DTNA: variants seen among roughly 807,000 people sequenced by gnomAD.
DTNA encodes dystrobrevin alpha.
Under a neutral mutation model 100.7 loss-of-function variants are expected in DTNA, and 43 were observed. The observed-to-expected ratio is 0.43, with a 90% confidence interval of 0.33 to 0.55. DTNA has a LOEUF of 0.55. DTNA is among the 20% of genes least tolerant of loss of function. The pLI is 0.04. For missense variants in DTNA, 798 were observed against 953.9 expected, an observed-to-expected ratio of 0.84 and a Z score of 2.15; for synonymous variants, 349 against 347.9, an observed-to-expected ratio of 1.00 and a Z score of -0.04.
At chr18:34,695,493 G>T (rs1262493582) in intron 1 of DTNA, among the ~76,000 whole-genome samples, 3 of 152,154 alleles carry the variant, frequency 2.0e-5, no homozygotes, top group African/African-American at 4.8e-5. Flanking sequence ...CTGGTAACCA[G>T]TGGAGGCGCT....
At chr18:34,516,011 A>G (rs2041570477) in intron 1 of DTNA, among the ~76,000 whole-genome samples, 1 of 152,156 alleles carries the variant, frequency 6.6e-6, no homozygotes, top group African/African-American at 2.4e-5. Context: ...CTTTTAGCCA[A>G]TCTTTTTCTA....
chr18:34,604,012 A>G (rs2052491810), intron 1 of DTNA, among the ~76,000 whole-genome samples: 2 of 152,240 alleles, frequency 1.3e-5, no homozygotes, highest in Non-Finnish European at 2.9e-5. Flanking sequence ...ACTAACAAAA[A>G]CAAAATGTCC....
chr18:34,598,822 C>T (rs1443110919), intron 1 of DTNA, among the ~76,000 whole-genome samples: 1 of 151,876 alleles, frequency 6.6e-6, no homozygotes, highest in African/African-American at 2.4e-5. Context: ...GCCGAGATCG[C>T]GCCACTGCAC....
At chr18:34,557,638 C>T (rs916107468) in intron 1 of DTNA, among the ~76,000 whole-genome samples, 1 of 151,702 alleles carries the variant, frequency 6.6e-6, no homozygotes, top group Non-Finnish European at 1.5e-5. Flanking sequence ...TGTGAGGTGT[C>T]AGTGTGCCCC....
chr18:34,717,915 G>A (rs16965804), intron 1 of DTNA, among the ~76,000 whole-genome samples: 16,691 of 152,174 alleles, frequency 0.11, 1,296 homozygotes, highest in African/African-American at 0.21. Flanking sequence ...AGACAGAAAT[G>A]AGTCCAGAAG....
At chr18:34,545,646 T>C (rs2044700741) in intron 1 of DTNA, among the ~76,000 whole-genome samples, 1 of 152,104 alleles carries the variant, frequency 6.6e-6, no homozygotes, top group South Asian at 2.1e-4. Flanking sequence ...AGTAACAAAA[T>C]GTCAGATATG....
At chr18:34,623,985 G>T (rs996787396) in intron 1 of DTNA, among the ~76,000 whole-genome samples, 7 of 152,076 alleles carry the variant, frequency 4.6e-5, no homozygotes, top group Admixed American at 4.6e-4. Context: ...GGGAAAACAT[G>T]GCAGATGCTT....
chr18:34,764,540 AG>A (rs1489735776), intron 2 of DTNA, among the ~76,000 whole-genome samples: 1 of 152,214 alleles, frequency 6.6e-6, no homozygotes, highest in Non-Finnish European at 1.5e-5. Flanking sequence ...TGTTTGTCAA[AG>A]AATAAGCTTT....
At chr18:34,759,937 GCC>G (rs2093030919) in intron 2 of DTNA, 1 of 152,124 alleles carries the variant, frequency 6.6e-6, no homozygotes, top group South Asian at 2.1e-4. Flanking sequence ...ACCCACCTTG[GCC>G]TCCCAAAGTG....
chr18:34,812,464 C>G (rs954749587), intron 6 of DTNA, among the ~76,000 whole-genome samples: 18 of 152,174 alleles, frequency 1.2e-4, no homozygotes, highest in Non-Finnish European at 2.9e-5. Context: ...GTTTAACAGA[C>G]TCACAGTTCC....
At chr18:34,654,620 C>A (rs2074088778) in intron 1 of DTNA, among the ~76,000 whole-genome samples, 1 of 152,126 alleles carries the variant, frequency 6.6e-6, no homozygotes, top group Non-Finnish European at 1.5e-5. Context: ...TGGGTACATT[C>A]TAAAAAAATA....
intron 1 of DTNA, among the ~76,000 whole-genome samples, chr18:34,584,787 A>G (rs1442601010): frequency 6.6e-6 from 1 of 152,164 alleles, no homozygotes; most frequent in Non-Finnish European, 1.5e-5. Context: ...GATAAAGAAG[A>G]AATCATAAGT....
intron 1 of DTNA, among the ~76,000 whole-genome samples, chr18:34,671,970 G>C (rs1266268021): frequency 6.6e-6 from 1 of 152,132 alleles, no homozygotes; most frequent in Non-Finnish European, 1.5e-5. Flanking sequence ...TACAAATATG[G>C]CTTTTTAAAA....
intron 1 of DTNA, among the ~76,000 whole-genome samples, chr18:34,697,472 G>A (rs2080739511): frequency 6.6e-6 from 1 of 152,168 alleles, no homozygotes; most frequent in Non-Finnish European, 1.5e-5. Flanking sequence ...GTTAATCATG[G>A]CCTATGATTC....
rs1436315619 is a variant in DTNA, at chr18:34,719,378, A to G, written c.-2+8933A>G. Among the ~76,000 whole-genome samples the G allele has an allele frequency of 6.8e-5, 10 of 147,964 alleles. No homozygotes were observed. In the East Asian group the frequency reaches 1.9e-3, roughly 29 times the overall value. ...AAAAATAAAAAAATAAGTAGTTATT[A>G]TCTCTCCATCAATCCTCACAACAAC... On this transcript the variant is annotated intron_variant, in intron 1 of 22. Transcript: ENST00000444659.
At chr18:34,717,411 AT>A (rs888886867) in intron 1 of DTNA, among the ~76,000 whole-genome samples, 110 of 152,318 alleles carry the variant, frequency 7.2e-4, no homozygotes, top group African/African-American at 2.4e-3. Context: ...GAAGGTGAGT[AT>A]TCTTTGTGCA....
intron 1 of DTNA, among the ~76,000 whole-genome samples, chr18:34,559,214 A>T (rs1465321440): frequency 6.6e-6 from 1 of 152,238 alleles, no homozygotes; most frequent in Non-Finnish European, 1.5e-5. Flanking sequence ...AAGTAATTAG[A>T]AATAGTTCTA....
chr18:34,667,572 G>C (rs1307936450), intron 1 of DTNA, among the ~76,000 whole-genome samples: 1 of 152,132 alleles, frequency 6.6e-6, no homozygotes, highest in African/African-American at 2.4e-5. Context: ...GTCATAAATA[G>C]CTCTTATTAT....
At chr18:34,544,586 A>C (rs2044577320) in intron 1 of DTNA, among the ~76,000 whole-genome samples, 1 of 152,138 alleles carries the variant, frequency 6.6e-6, no homozygotes, top group Admixed American at 6.6e-5. Context: ...AACAATTTTA[A>C]ATTAGAGTAC....
Sources: gnomAD v4.1 joint callset for allele counts (sites outside exome capture counted in the v4.1 genomes callset) on GRCh38, gnomAD v4.1.1 for gene constraint, MANE v1.5 for transcripts, NCBI Gene and HGNC (gene_info 2026-07-23, HGNC 2026-07-21) for gene names.